CYRIA: variants seen among roughly 807,000 people sequenced by gnomAD.
CYRIA encodes CYFIP related Rac1 interactor A.
A neutral mutation model predicts 43.9 loss-of-function variants in CYRIA; 15 were observed. The observed-to-expected ratio is 0.34, with a 90% CI of 0.23 to 0.53. The LOEUF is 0.53. CYRIA is among the 20% of genes least tolerant of loss of function. The pLI, the probability that CYRIA is intolerant of heterozygous loss-of-function variation, is 0.94. For synonymous variants in CYRIA, 117 were observed against 136.0 expected, an observed-to-expected ratio of 0.86 and a Z score of 0.97; for missense variants, 236 against 394.2, an observed-to-expected ratio of 0.60 and a Z score of 3.40.
At chr2:16,585,698 C>G (rs748296932) in intron 3 of CYRIA, among the ~76,000 whole-genome samples, 37 of 152,018 alleles carry the variant, frequency 2.4e-4, no homozygotes, top group Non-Finnish European at 4.9e-4. Context: ...GTTTAGCTAC[C>G]ATGACCTTTC....
chr2:16,555,017 G>T, intron 11 of CYRIA, 52 bp downstream of exon 11: 3 of 1,446,460 alleles, frequency 2.1e-6, no homozygotes, highest in Non-Finnish European at 2.9e-6. Context: ...AATTTGCAAT[G>T]GCCCTGAAAG....
rs1572187695 is a variant in CYRIA at position 16,627,947 on chromosome 2, T to C, written c.-166-3928A>G. Among the ~76,000 whole-genome samples the C allele has an allele frequency of 3.3e-5, 5 of 152,316 alleles. No homozygotes were observed. The South Asian group carries it at 1.0e-3, about 32-fold the overall frequency. The stretch of plus-strand genomic sequence containing the variant: ...TGATGCCTTGGAAAGCCAATTCCTA[T>C]GTCCCAGAGAGATGGAGCAGCTGGG... On this transcript the variant is annotated intron_variant, in intron 1 of 11. Transcript: ENST00000381323.
At chr2:16,636,601 C>A (rs1180192945) in intron 1 of CYRIA, among the ~76,000 whole-genome samples, 1 of 152,096 alleles carries the variant, frequency 6.6e-6, no homozygotes, top group African/African-American at 2.4e-5. Context: ...GCTGAGTCAC[C>A]TATCTATTCA....
intron 1 of CYRIA, among the ~76,000 whole-genome samples, chr2:16,632,587 G>T (rs1669357718): frequency 6.6e-6 from 1 of 152,158 alleles, no homozygotes; most frequent in Admixed American, 6.5e-5. Context: ...ATACTCTGAG[G>T]TTGGTCATCC....
At chr2:16,647,881 T>C (rs1227052436) in intron 1 of CYRIA, among the ~76,000 whole-genome samples, 2 of 152,168 alleles carry the variant, frequency 1.3e-5, no homozygotes, top group African/African-American at 2.4e-5. Context: ...ATGGCCTTTG[T>C]GCTTCCAATG....
intron 5 of CYRIA, among the ~76,000 whole-genome samples, chr2:16,563,130 T>A (rs985224460): frequency 6.6e-6 from 1 of 152,204 alleles, no homozygotes; most frequent in Non-Finnish European, 1.5e-5. Flanking sequence ...TTTCCTTCTG[T>A]TGAGCAAAAA....
intron 1 of CYRIA, among the ~76,000 whole-genome samples, chr2:16,651,893 C>G (rs1292902937): frequency 6.6e-6 from 1 of 152,126 alleles, no homozygotes; most frequent in Non-Finnish European, 1.5e-5. Flanking sequence ...AAGGAGGCTG[C>G]TTGGAATGGG....
chr2:16,650,423 T>C lies in CYRIA; in HGVS notation c.-167+15357A>G, dbSNP rs1029765258. Among the ~76,000 whole-genome samples the C allele has an allele frequency of 2.0e-5, 3 of 152,202 alleles. No homozygotes were observed. Among genetic ancestry groups the C allele is most frequent in the Non-Finnish European group, 2.9e-5 (2 of 68,044 alleles). ...TATAAAAATCTCTGCAAACTGCAGA[T>C]CGATTAAAACACTAGCAAATCATAA... On this transcript the variant is annotated intron_variant, in intron 1 of 11. Coordinates refer to ENST00000381323, the MANE Select transcript of CYRIA (RefSeq NM_030797.4). This position sits in a 1 kb window ranked among gnomAD's most constrained non-coding sequence, Gnocchi z 4.1.
chr2:16,568,596 C>T (rs190421342), intron 3 of CYRIA, among the ~76,000 whole-genome samples: 1 of 152,102 alleles, frequency 6.6e-6, no homozygotes, highest in African/African-American at 2.4e-5. Context: ...TGCAAAGCAA[C>T]GAGCCTAGAA....
intron 1 of CYRIA, among the ~76,000 whole-genome samples, chr2:16,624,803 C>T (rs1669106548): frequency 6.6e-6 from 1 of 152,182 alleles, no homozygotes; most frequent in African/African-American, 2.4e-5. Flanking sequence ...ATCTGTCAGG[C>T]ATACCATGAG....
rs543363654 is a variant in CYRIA, at chr2:16,553,875, C to T, written c.909-876G>A. Among the ~76,000 whole-genome samples, 3 of 152,156 alleles carry T rather than the reference C, an allele frequency of 2.0e-5. No homozygotes were observed. The South Asian group carries it at 6.2e-4, about 32-fold the overall frequency. On this transcript the variant is annotated intron_variant, in intron 11 of 11. Transcript: ENST00000381323. ...AGCTCAACACACTCAGAAGTTAAAG[C>T]CTTATTCATGTGTATAGAAAGTCAT...
rs1055575107 is a variant in CYRIA, at chr2:16,561,396, T to C, written c.513+60A>G. ...TGTCTTCTGTCTGTGCTCTGCCTGA[T>C]GCAGAAATCAAAAGAGTCATGGAGA... On this transcript the variant is annotated intron_variant, in intron 7 of 11. Transcript: ENST00000381323. 4.6e-6 allele frequency: 7 copies of C among 1,530,432 alleles called. No homozygotes were observed. In the African/African-American group the frequency reaches 8.2e-5, roughly 18 times the overall value. 94.8% of individuals were successfully genotyped at this position (1,530,432 alleles called of 1,614,324 possible).
chr2:16,627,390 G>C (rs562585683), intron 1 of CYRIA, among the ~76,000 whole-genome samples: 1 of 152,348 alleles, frequency 6.6e-6, no homozygotes, highest in African/African-American at 2.4e-5. Flanking sequence ...TGAGAAACCA[G>C]AAGGGGCAGG....
At chr2:16,619,350 C>CATGCATATGTACATACACACGTAT (rs1668918119) in intron 2 of CYRIA, among the ~76,000 whole-genome samples, 6 of 152,004 alleles carry the variant, frequency 3.9e-5, no homozygotes, top group Non-Finnish European at 5.9e-5. Flanking sequence ...TACACACGTA[C>CATGCATATGTACATACACACGTAT]ATAAAACCCT....
rs146731727 is a variant in CYRIA, at chr2:16,619,382, GAT to G, written c.-11+4480_-11+4481del. Among the ~76,000 whole-genome samples the G allele has an allele frequency of 3.6e-3, 546 of 150,880 alleles. 5 individuals are homozygous for G. Among genetic ancestry groups the G allele is most frequent in the African/African-American group, 0.013 (531 of 41,160 alleles). On this transcript the variant is annotated intron_variant, in intron 2 of 11. Coordinates refer to ENST00000381323, the MANE Select transcript of CYRIA (RefSeq NM_030797.4). ...CCCTCTGTGTGTGTGTGCATATATA[GAT>G]ATATATATATATACACACACACATA...
chr2:16,614,806 C>G lies in CYRIA; in HGVS notation c.-11+9058G>C, dbSNP rs534083943. Among the ~76,000 whole-genome samples the G allele has an allele frequency of 3.3e-5, 5 of 152,368 alleles. No individual in the cohort carries two copies. The East Asian group carries it at 9.7e-4, about 29-fold the overall frequency. On this transcript the variant is annotated intron_variant, in intron 2 of 11. Coordinates refer to ENST00000381323, the MANE Select transcript of CYRIA (RefSeq NM_030797.4). ...TATGGCCTTGGCAAGGTGCCACATCCCTCTCCACAGCTGCCTTTTCTTGAA... is the reference window on the plus strand; with the variant it reads ...TATGGCCTTGGCAAGGTGCCACATCGCTCTCCACAGCTGCCTTTTCTTGAA...
chr2:16,613,458 C>T (rs1040341475), intron 2 of CYRIA, among the ~76,000 whole-genome samples: 1 of 152,202 alleles, frequency 6.6e-6, no homozygotes, highest in Non-Finnish European at 1.5e-5. Context: ...AGCAGCCATT[C>T]GCTGAGTGTC....
At chr2:16,564,190 A>T (rs1666846984) in intron 4 of CYRIA, 96 bp from the exon 5 acceptor site, 1 of 954,430 alleles carries the variant, frequency 1.0e-6, no homozygotes, top group Non-Finnish European at 1.6e-6. Context: ...TCCTTGCTAT[A>T]CTTTGCTGAT....
At position 16,610,897 on chromosome 2, in the gene CYRIA, C is replaced by CATATATATATATATATATATAT. The variant is rs60848949; in HGVS notation, c.-11+12945_-11+12966dup. Reference sequence around the variant, plus strand: ...TAGGATTGACTTCTTTTAGTCCCAACATATATATATATATATATATATATA... The same window carrying CATATATATATATATATATATAT: ...TAGGATTGACTTCTTTTAGTCCCAACATATATATATATATATATATATATATATATATATATATATATATATA... On this transcript the variant is annotated intron_variant, in intron 2 of 11. Coordinates refer to ENST00000381323, the MANE Select transcript of CYRIA (RefSeq NM_030797.4). Among the ~76,000 whole-genome samples, 14 of 92,558 alleles carry CATATATATATATATATATATAT rather than the reference C, an allele frequency of 1.5e-4. 1 individual carries two copies. Among genetic ancestry groups the CATATATATATATATATATATAT allele is most frequent in the Admixed American group, 3.5e-4 (3 of 8,624 alleles). The allele number at this position is 92,558 out of a possible 152,430, so 60.7% of individuals were successfully genotyped here.
Sources: gnomAD v4.1 joint callset for allele counts (sites outside exome capture counted in the v4.1 genomes callset) on GRCh38, gnomAD v4.1.1 for gene constraint, Gnocchi (gnomAD v3.1) non-coding constraint, MANE v1.5 for transcripts, NCBI Gene and HGNC (gene_info 2026-07-23, HGNC 2026-07-21) for gene names.